KPNA3: variants seen among roughly 807,000 people sequenced by gnomAD.
KPNA3 encodes importin subunit alpha-4.
In KPNA3, 13 loss-of-function variants were observed where a neutral mutation model predicts 73.8. That is an observed-to-expected ratio of 0.18 (90% CI 0.11 to 0.28). The LOEUF is 0.28. Ranked by LOEUF, KPNA3 falls within the 10% of genes least tolerant of loss-of-function variation. The probability of loss-of-function intolerance (pLI) is 1.00; values close to 1 mark genes in which losing one functional copy is unlikely to be tolerated. For missense variants in KPNA3, 360 were observed against 618.1 expected, an observed-to-expected ratio of 0.58 and a Z score of 4.43; for synonymous variants, 186 against 206.9, an observed-to-expected ratio of 0.90 and a Z score of 0.87.
chr13:49,769,360 T>C (rs993348890), intron 1 of KPNA3, among the ~76,000 whole-genome samples: 5 of 152,212 alleles, frequency 3.3e-5, no homozygotes, highest in African/African-American at 1.2e-4. Context: ...TACAGAGTTG[T>C]ATAACCATCA....
At chr13:49,738,322 T>G (rs922397314) in intron 2 of KPNA3, among the ~76,000 whole-genome samples, 1 of 152,248 alleles carries the variant, frequency 6.6e-6, no homozygotes, top group Non-Finnish European at 1.5e-5. Context: ...TTGTCAAGAT[T>G]GTTTTAGCTA....
chr13:49,738,231 C>G (rs1251073455), intron 2 of KPNA3, among the ~76,000 whole-genome samples: 1 of 152,184 alleles, frequency 6.6e-6, no homozygotes, highest in African/African-American at 2.4e-5. Context: ...GTCTTTCCTT[C>G]TACCAATAAC....
intron 10 of KPNA3, among the ~76,000 whole-genome samples, chr13:49,714,868 A>G (rs1033487722): frequency 6.6e-6 from 1 of 152,114 alleles, no homozygotes; most frequent in African/African-American, 2.4e-5. Context: ...CACTTACGTG[A>G]ATGCTGATGT....
At chr13:49,753,628 T>C (rs1566351394) in intron 1 of KPNA3, among the ~76,000 whole-genome samples, 1 of 152,220 alleles carries the variant, frequency 6.6e-6, no homozygotes. Context: ...CCATATAGCC[T>C]GTTAGGAGCC....
At chr13:49,712,893 A>C (rs1400398095) in intron 10 of KPNA3, among the ~76,000 whole-genome samples, 3 of 152,048 alleles carry the variant, frequency 2.0e-5, no homozygotes, top group Non-Finnish European at 2.9e-5. Flanking sequence ...AGAAAAAAAA[A>C]AACACAGGGA....
chr13:49,762,242 A>AGGAGGGG (rs1954772141), intron 1 of KPNA3, among the ~76,000 whole-genome samples: 1 of 136,724 alleles, frequency 7.3e-6, no homozygotes, highest in African/African-American at 2.8e-5. Context: ...TCGCGGAGGG[A>AGGAGGGG]GGAGGGGGGG....
chr13:49,763,972 T>C lies in KPNA3; in HGVS notation c.70-16979A>G, dbSNP rs542068140. 6.5e-4 allele frequency among the ~76,000 whole-genome samples: 96 copies of C among 147,960 alleles called. No homozygotes were observed. In the South Asian group the frequency reaches 9.3e-3, roughly 14 times the overall value. On this transcript the variant is annotated intron_variant, in intron 1 of 16. Coordinates refer to ENST00000261667, the MANE Select transcript of KPNA3 (RefSeq NM_002267.4). ...GTCTCAGCTATTCGGGAGACTGAGA[T>C]GGAAGGATCGCCTGAGCCCAAGAGG...
At chr13:49,787,020 AAAG>A (rs1277788412) in intron 1 of KPNA3, among the ~76,000 whole-genome samples, 1 of 152,194 alleles carries the variant, frequency 6.6e-6, no homozygotes, top group African/African-American at 2.4e-5. Flanking sequence ...TAACTAATAC[AAAG>A]AAGGGTGAAG....
At chr13:49,728,234 C>CAAA (rs60821750) in intron 6 of KPNA3, among the ~76,000 whole-genome samples, 109 of 63,358 alleles carry the variant, frequency 1.7e-3, no homozygotes, top group Middle Eastern at 0.01. Flanking sequence ...GACTCTGTCT[C>CAAA]AAAAAAAAAA....
At chr13:49,704,300 A>G (rs1239951567) in intron 15 of KPNA3, among the ~76,000 whole-genome samples, 3 of 151,780 alleles carry the variant, frequency 2.0e-5, no homozygotes, top group African/African-American at 4.8e-5. Flanking sequence ...GTGCATGCCT[A>G]TAATCCCAGC....
At chr13:49,704,453 AT>A (rs1250957774) in intron 15 of KPNA3, among the ~76,000 whole-genome samples, 4 of 88,224 alleles carry the variant, frequency 4.5e-5, no homozygotes, top group African/African-American at 1.3e-4. Flanking sequence ...AAATAAATAA[AT>A]AAATAAATAA....
At position 49,701,545 on chromosome 13, in the gene KPNA3, A is replaced by G. The variant is rs1266301164; in HGVS notation, c.*255T>C. On this transcript the variant is annotated 3_prime_UTR_variant, in exon 17 of 17. Coordinates refer to ENST00000261667, the MANE Select transcript of KPNA3 (RefSeq NM_002267.4). ...TTGTCAGCCTGTGGCACCAGGGAAC[A>G]GGGAAAAATAGGGTAGTTGAGATTG... 1.8e-6 allele frequency: 1 copy of G among 569,140 alleles called. No individual in the cohort carries two copies. The highest frequency in any genetic ancestry group is 3.4e-6 in the Non-Finnish European group (1 of 290,730). The allele number at this position is 569,140 out of a possible 1,614,324, so 35.3% of individuals were successfully genotyped here. A position where few individuals can be genotyped will look rare whatever the true frequency, so the allele number is the denominator to read the frequency against.
chr13:49,771,151 A>T (rs999310407), intron 1 of KPNA3, among the ~76,000 whole-genome samples: 1 of 151,548 alleles, frequency 6.6e-6, no homozygotes, highest in Non-Finnish European at 1.5e-5. Context: ...GGAAGAGAAA[A>T]AGAAGCCAAA....
At chr13:49,790,180 G>C (rs1216686906) in intron 1 of KPNA3, among the ~76,000 whole-genome samples, 1 of 152,158 alleles carries the variant, frequency 6.6e-6, no homozygotes, top group African/African-American at 2.4e-5. Context: ...TTTATCTAAA[G>C]TTCCAGCTGG....
chr13:49,778,742 G>C (rs1053604236), intron 1 of KPNA3, among the ~76,000 whole-genome samples: 7 of 151,918 alleles, frequency 4.6e-5, no homozygotes, highest in African/African-American at 1.5e-4. Flanking sequence ...TCCCAAGCTG[G>C]GACTACGGTT....
At chr13:49,742,523 AG>A (rs1271268504) in intron 2 of KPNA3, among the ~76,000 whole-genome samples, 1 of 151,884 alleles carries the variant, frequency 6.6e-6, no homozygotes, top group Non-Finnish European at 1.5e-5. Flanking sequence ...GCTTTGCAGT[AG>A]ATTTTCATAT....
chr13:49,746,665 T>A (rs1193739204), intron 2 of KPNA3, among the ~76,000 whole-genome samples: 1 of 152,184 alleles, frequency 6.6e-6, no homozygotes, highest in South Asian at 2.1e-4. Flanking sequence ...AACTTTTACA[T>A]AAGCAAAGGG....
At chr13:49,791,695 G>A (rs775747244) in intron 1 of KPNA3, among the ~76,000 whole-genome samples, 2 of 149,310 alleles carry the variant, frequency 1.3e-5, no homozygotes, top group African/African-American at 2.5e-5. Context: ...ATGAGCGGAG[G>A]TCGGAGCAAC....
At chr13:49,779,293 T>C (rs1381679069) in intron 1 of KPNA3, among the ~76,000 whole-genome samples, 4 of 152,226 alleles carry the variant, frequency 2.6e-5, no homozygotes, top group Non-Finnish European at 4.4e-5. Flanking sequence ...AATCCTATTT[T>C]GCTTACCCTG....
Sources: gnomAD v4.1 joint callset for allele counts (sites outside exome capture counted in the v4.1 genomes callset) on GRCh38, gnomAD v4.1.1 for gene constraint, MANE v1.5 for transcripts, NCBI Gene and HGNC (gene_info 2026-07-23, HGNC 2026-07-21) for gene names.